The following ARMC8 variants were observed in gnomAD, a reference collection of about 807,000 sequenced individuals.
ARMC8 encodes the protein armadillo repeat-containing protein 8.
ARMC8 carries 20 observed loss-of-function variants against 99.3 expected under a neutral mutation model. The observed-to-expected ratio is 0.20, with a 90% CI of 0.14 to 0.29. The LOEUF is 0.29. Ranked by LOEUF, ARMC8 falls within the 10% of genes least tolerant of loss-of-function variation. The pLI, the probability that ARMC8 is intolerant of heterozygous loss-of-function variation, is 1.00. For missense variants in ARMC8, 569 were observed against 809.5 expected (o/e 0.70, Z 3.60); for synonymous variants, 263 against 278.3 (o/e 0.95, Z 0.55).
In ARMC8 at chr3:138,274,153, A is replaced by G. The variant is rs542081669; in HGVS notation, c.1630-296A>G. On this transcript the variant is annotated intron_variant, in intron 17 of 21. Transcript: ENST00000469044. ...TTTTTCTTTAATATATTTGGGTTTG[A>G]GGACCCCCAATGATTGTGCTTTCAT... Among the ~76,000 whole-genome samples, 90 of 151,824 alleles carry G rather than the reference A, an allele frequency of 5.9e-4. No homozygotes were observed. The South Asian group carries it at 0.016, about 26-fold the overall frequency.
chr3:138,208,144 A>G (rs2044485900), intron 1 of ARMC8, among the ~76,000 whole-genome samples: 1 of 150,542 alleles, frequency 6.6e-6, no homozygotes. Context: ...GTTGCCTTTG[A>G]GGATATTTTG....
intron 15 of ARMC8, among the ~76,000 whole-genome samples, chr3:138,268,622 A>G (rs2048498819): frequency 6.6e-6 from 1 of 152,108 alleles, no homozygotes; most frequent in South Asian, 2.1e-4. Context: ...ACTAAAAATT[A>G]AACAATCAAC....
chr3:138,294,049 A>G (rs1483880332), intron 21 of ARMC8, among the ~76,000 whole-genome samples: 2 of 152,204 alleles, frequency 1.3e-5, no homozygotes, highest in East Asian at 3.8e-4. Context: ...TAGAAAGACA[A>G]TAAAGGTACA....
At chr3:138,235,221 A>G (rs1576711374) in intron 7 of ARMC8, 107 bp downstream of exon 7, 1 of 777,472 alleles carries the variant, frequency 1.3e-6, no homozygotes, top group East Asian at 2.8e-5. Flanking sequence ...CAAAAGTAGT[A>G]TTTTATCAGT....
intron 6 of ARMC8, among the ~76,000 whole-genome samples, chr3:138,233,306 G>A (rs775787410): frequency 2.6e-5 from 4 of 152,162 alleles, no homozygotes; most frequent in Admixed American, 6.5e-5. Context: ...ACAAAAACAG[G>A]TTTGCACCAT....
At chr3:138,266,864 A>G (rs2048331841) in intron 14 of ARMC8, among the ~76,000 whole-genome samples, 1 of 152,136 alleles carries the variant, frequency 6.6e-6, no homozygotes, top group Non-Finnish European at 1.5e-5. Context: ...CTTGGCCTTC[A>G]AGCATTTCAC....
intron 1 of ARMC8, among the ~76,000 whole-genome samples, chr3:138,195,528 C>G (rs1450321941): frequency 6.6e-6 from 1 of 152,006 alleles, no homozygotes; most frequent in Non-Finnish European, 1.5e-5. Flanking sequence ...CTTTTGAGAC[C>G]TAGCCTTCTT....
chr3:138,246,550 G>C, intron 12 of ARMC8: 2 of 985,604 alleles, frequency 2.0e-6, no homozygotes, highest in Non-Finnish European at 2.4e-6. Flanking sequence ...TTTGGTTTAG[G>C]ATGGTTATTA....
chr3:138,191,882 C>G (rs1160792554), intron 1 of ARMC8, among the ~76,000 whole-genome samples: 1 of 152,208 alleles, frequency 6.6e-6, no homozygotes, highest in African/African-American at 2.4e-5. Context: ...GGATGTACCA[C>G]AGCTCGTTTA....
chr3:138,266,914 C>G (rs1165704868), intron 14 of ARMC8, among the ~76,000 whole-genome samples: 4 of 152,154 alleles, frequency 2.6e-5, no homozygotes, highest in Non-Finnish European at 4.4e-5. Context: ...CTCCTCCCTG[C>G]AAGAGCCCCC....
intron 17 of ARMC8, among the ~76,000 whole-genome samples, chr3:138,273,821 C>CTTTT (rs764799623): frequency 6.9e-6 from 1 of 145,212 alleles, no homozygotes; most frequent in African/African-American, 2.5e-5. Context: ...ATGCTTCCCC[C>CTTTT]TTTTTTTTTT....
At chr3:138,265,232 A>T (rs1012260567) in intron 14 of ARMC8, among the ~76,000 whole-genome samples, 1 of 152,048 alleles carries the variant, frequency 6.6e-6, no homozygotes, top group Non-Finnish European at 1.5e-5. Context: ...TTTTGGTGTT[A>T]GGTCTTCTCT....
chr3:138,190,691 C>T (rs1057232266), intron 1 of ARMC8, among the ~76,000 whole-genome samples: 1 of 152,172 alleles, frequency 6.6e-6, no homozygotes, highest in Non-Finnish European at 1.5e-5. Flanking sequence ...TCTTATTCTT[C>T]TTACTCATTT....
intron 6 of ARMC8, among the ~76,000 whole-genome samples, chr3:138,232,352 T>C (rs16847930): frequency 0.022 from 3,374 of 152,226 alleles, 134 homozygotes; most frequent in African/African-American, 0.077. Context: ...AAGTATTTGC[T>C]GCCATCTTTG....
At chr3:138,207,411 GTTATATTGAATGAA>G (rs2044431817) in intron 1 of ARMC8, among the ~76,000 whole-genome samples, 1 of 152,144 alleles carries the variant, frequency 6.6e-6, no homozygotes, top group African/African-American at 2.4e-5. Context: ...CTCAGTGCAT[GTTATATTGAATGAA>G]CCAGGCACAG....
rs2108084422 is a variant in ARMC8 at position 138,223,726 on chromosome 3, T to C, written c.428T>C (p.Leu143Pro). The C allele has an allele frequency of 2.5e-6, 4 of 1,613,414 alleles. No individual in the cohort carries two copies. The highest frequency in any genetic ancestry group is 4.5e-5 in the East Asian group (2 of 44,872). ...FTSPVTPEEL[L>P]YTDATVIPHL... ...AGTCCTGTCACTCCAGAGGAGCTAC[T>C]GTATACAGTGAGTTTTAGATGTATT... is the stretch of plus-strand genomic sequence containing the variant. Residue 143 changes from leucine to proline, a missense_variant, in exon 5 of 22, where the codon CTG becomes CCG. Leu to Pro is a moderately conservative substitution (Grantham distance 98, BLOSUM62 -3). Around this residue, in one of 2 missense-constraint regions of ARMC8, gnomAD observed 342 missense variants for 391.6 expected, o/e 0.87. Coordinates refer to ENST00000469044, the MANE Select transcript of ARMC8 (RefSeq NM_001363941.2).
intron 6 of ARMC8, among the ~76,000 whole-genome samples, chr3:138,232,891 C>CTG (rs1378965545): frequency 4.6e-5 from 7 of 152,326 alleles, no homozygotes; most frequent in Admixed American, 3.9e-4. Flanking sequence ...AGGCAGCACC[C>CTG]TGCCTACTTC....
chr3:138,195,240 T>A (rs2043650687), intron 1 of ARMC8, among the ~76,000 whole-genome samples: 1 of 148,298 alleles, frequency 6.7e-6, no homozygotes, highest in Non-Finnish European at 1.5e-5. Context: ...ATTGCGCCAC[T>A]GCAGTCCGCA....
In ARMC8 at chr3:138,273,061, T is replaced by C; in HGVS notation, c.1574T>C (p.Leu525Ser). The C allele has an allele frequency of 1.2e-6, 2 of 1,613,598 alleles. No homozygotes were observed. Among genetic ancestry groups the C allele is most frequent in the Non-Finnish European group, 1.7e-6 (2 of 1,179,692 alleles). Residue 525 changes from leucine (L) to serine (S), a missense_variant, in exon 17 of 22, where the codon TTG (leucine) becomes TCG (serine). Leu to Ser is a moderately radical substitution (Grantham distance 145). Around this residue, in one of 2 missense-constraint regions of ARMC8, gnomAD observed 227 missense variants for 417.9 expected, o/e 0.54. Coordinates refer to ENST00000469044, the MANE Select transcript of ARMC8 (RefSeq NM_001363941.2). ...TTCCGGTTATTATCAGATTCAGATT[T>C]GAATGTGCTGATGAAGACATTGGGA... ...QLFRLLSDSD[L>S]NVLMKTLGLL... is the part of the protein sequence containing the mutation.
Sources: gnomAD v4.1 joint callset for allele counts (sites outside exome capture counted in the v4.1 genomes callset) on GRCh38, gnomAD v4.1.1 for gene constraint, gnomAD v4.1.1 regional missense constraint, MANE v1.5 for transcripts, NCBI Gene and HGNC (gene_info 2026-07-23, HGNC 2026-07-21) for gene names.